Variants in MACROD2 observed in about 807,000 individuals in gnomAD.
MACROD2 encodes ADP-ribose glycohydrolase MACROD2.
Under a neutral mutation model 70.4 loss-of-function variants are expected in MACROD2, and 36 were observed. The observed-to-expected ratio is 0.51, with a 90% CI of 0.39 to 0.68. The LOEUF (loss-of-function observed/expected upper bound fraction) is 0.68, where lower values mean the gene tolerates loss of function less well. Ranked by LOEUF, MACROD2 falls within the 30% of genes least tolerant of loss-of-function variation. The pLI is 0.00. For missense variants in MACROD2, 496 were observed against 538.4 expected (o/e 0.92, Z 0.78); for synonymous variants, 172 against 178.8 (o/e 0.96, Z 0.30).
chr20:14,746,328 AT>A (rs1396410898), intron 5 of MACROD2, among the ~76,000 whole-genome samples: 3 of 152,186 alleles, frequency 2.0e-5, no homozygotes, highest in Non-Finnish European at 4.4e-5. Context: ...ACATAAAAGT[AT>A]TTTAAATCAA....
At chr20:14,606,786 T>TC (rs574753299) in intron 4 of MACROD2, among the ~76,000 whole-genome samples, 130 of 152,320 alleles carry the variant, frequency 8.5e-4, no homozygotes, top group African/African-American at 2.9e-3. Flanking sequence ...TTCTTGTTTG[T>TC]CCCAAGGCTT....
chr20:15,110,436 C>A (rs564059129), intron 5 of MACROD2, among the ~76,000 whole-genome samples: 7 of 152,050 alleles, frequency 4.6e-5, no homozygotes, highest in East Asian at 1.9e-4. Context: ...ATACTAGAGG[C>A]AATACTTGGG....
At chr20:15,801,501 C>T (rs1266151093) in intron 8 of MACROD2, among the ~76,000 whole-genome samples, 2 of 151,146 alleles carry the variant, frequency 1.3e-5, no homozygotes, top group African/African-American at 4.9e-5. Context: ...AAAAGAAAAT[C>T]AGTTGGCTGA....
chr20:14,184,393 T>C (rs2081328081), intron 3 of MACROD2, among the ~76,000 whole-genome samples: 1 of 152,124 alleles, frequency 6.6e-6, no homozygotes, highest in Admixed American at 6.5e-5. Flanking sequence ...AATGTGTCTG[T>C]TTTTGTGCCA....
In MACROD2 at chr20:14,316,803, C is replaced by T. The variant is rs1475213608; in HGVS notation, c.272-176676C>T. On this transcript the variant is annotated intron_variant, in intron 3 of 17. Coordinates refer to ENST00000684519, the MANE Select transcript of MACROD2 (RefSeq NM_001351661.2). ...GAGCATCTTTCCACCTCTCTACTCA[C>T]CACCACTATTCTGTTCCACACAGTG... Among the ~76,000 whole-genome samples, 3 of 152,138 alleles carry T rather than the reference C, an allele frequency of 2.0e-5. No homozygotes were observed. The East Asian group carries it at 5.8e-4, about 29-fold the overall frequency.
chr20:15,509,390 A>C (rs1357548560), intron 8 of MACROD2, among the ~76,000 whole-genome samples: 1 of 152,192 alleles, frequency 6.6e-6, no homozygotes, highest in African/African-American at 2.4e-5. Context: ...GGTGAAATGC[A>C]AACTCTTTAA....
At position 15,404,694 on chromosome 20, in the gene MACROD2, T is replaced by C. The variant is rs139525158; in HGVS notation, c.541-26711T>C. On this transcript the variant is annotated intron_variant, in intron 6 of 17. Coordinates refer to ENST00000684519, the MANE Select transcript of MACROD2 (RefSeq NM_001351661.2). ...ACACTAACTTTCACTGACCAAAGAC[T>C]TTCACTTAAACCCACAGTCTTCCTT... 5.6e-3 allele frequency among the ~76,000 whole-genome samples: 860 copies of C among 152,334 alleles called. 40 individuals are homozygous for C. The highest frequency in any genetic ancestry group is 0.054 in the Admixed American group (821 of 15,294).
intron 8 of MACROD2, among the ~76,000 whole-genome samples, chr20:15,563,695 A>G (rs1305535230): frequency 6.6e-6 from 1 of 152,230 alleles, no homozygotes; most frequent in African/African-American, 2.4e-5. Context: ...GATCAAAGAC[A>G]TAAAATAATA....
At chr20:16,036,095 C>T (rs1322684828) in intron 15 of MACROD2, among the ~76,000 whole-genome samples, 1 of 151,950 alleles carries the variant, frequency 6.6e-6, no homozygotes, top group South Asian at 2.1e-4. Flanking sequence ...CAAGGTGGTT[C>T]AAGAAGGTTT....
At chr20:14,173,094 T>C (rs1001701434) in intron 3 of MACROD2, among the ~76,000 whole-genome samples, 2 of 152,218 alleles carry the variant, frequency 1.3e-5, no homozygotes, top group Non-Finnish European at 2.9e-5. Context: ...CATCTTTAGA[T>C]AACCTGATGA....
intron 5 of MACROD2, among the ~76,000 whole-genome samples, chr20:15,090,597 T>G (rs1203965939): frequency 6.6e-6 from 1 of 151,214 alleles, no homozygotes; most frequent in Non-Finnish European, 1.5e-5. Flanking sequence ...AGAAGAGAGG[T>G]AGAATTATAT....
chr20:15,940,344 C>A (rs1345646536), intron 12 of MACROD2, among the ~76,000 whole-genome samples: 2 of 152,092 alleles, frequency 1.3e-5, no homozygotes, highest in Admixed American at 6.6e-5. Context: ...GATCCACCCG[C>A]CTTGGCCTCC....
rs572347746 is a variant in MACROD2 at position 14,954,893 on chromosome 20, A to G, written c.418+269934A>G. 5.4e-5 allele frequency among the ~76,000 whole-genome samples: 6 copies of G among 110,624 alleles called. No homozygotes were observed. The South Asian group carries it at 1.3e-3, about 23-fold the overall frequency. The allele number at this position is 110,624 out of a possible 152,430, so 72.6% of individuals were successfully genotyped here. ...TTATATAATTATTTAATTATATATT[A>G]TATATAATTTATATTTTATATAATT... On this transcript the variant is annotated intron_variant, in intron 5 of 17. Transcript: ENST00000684519.
At chr20:15,449,056 A>G (rs2046605823) in intron 7 of MACROD2, among the ~76,000 whole-genome samples, 1 of 152,134 alleles carries the variant, frequency 6.6e-6, no homozygotes. Flanking sequence ...TGAGGTACTA[A>G]TTGATTTTTT....
Position 15,564,469 on chromosome 20 carries a change from C to T in MACROD2, c.645+64622C>T, listed in dbSNP as rs922598818. 1.1e-4 allele frequency among the ~76,000 whole-genome samples: 16 copies of T among 152,158 alleles called. 1 individual carries two copies. The highest frequency in any genetic ancestry group is 1.5e-4 in the Non-Finnish European group (10 of 68,036). The stretch of plus-strand genomic sequence containing the variant: ...GAAAATGTATTTTCATGCTACTACC[C>T]ACTTTGGATCTTTTTTATTGTACCT... On this transcript the variant is annotated intron_variant, in intron 8 of 17. Coordinates refer to ENST00000684519, the MANE Select transcript of MACROD2 (RefSeq NM_001351661.2).
chr20:14,645,399 A>G (rs1442068667), intron 4 of MACROD2, among the ~76,000 whole-genome samples: 8 of 151,986 alleles, frequency 5.3e-5, no homozygotes, highest in African/African-American at 1.9e-4. Flanking sequence ...TTTCTTCTCT[A>G]TATCTAGTTT....
intron 10 of MACROD2, among the ~76,000 whole-genome samples, chr20:15,897,878 T>G (rs1321474544): frequency 1.3e-5 from 2 of 152,224 alleles, no homozygotes; most frequent in Non-Finnish European, 2.9e-5. Flanking sequence ...GTATTTTGCC[T>G]TTTTGATGAT....
intron 8 of MACROD2, among the ~76,000 whole-genome samples, chr20:15,749,022 A>G (rs999182395): frequency 6.6e-6 from 1 of 152,164 alleles, no homozygotes; most frequent in Non-Finnish European, 1.5e-5. Context: ...CTTTGTATAC[A>G]AATTATGTAT....
At chr20:14,795,595 T>C (rs1455890967) in intron 5 of MACROD2, among the ~76,000 whole-genome samples, 2 of 152,162 alleles carry the variant, frequency 1.3e-5, no homozygotes, top group Non-Finnish European at 2.9e-5. Flanking sequence ...TTGAGACATC[T>C]GTGAAATATT....
Sources: gnomAD v4.1 joint callset for allele counts (sites outside exome capture counted in the v4.1 genomes callset) on GRCh38, gnomAD v4.1.1 for gene constraint, MANE v1.5 for transcripts, NCBI Gene and HGNC (gene_info 2026-07-23, HGNC 2026-07-21) for gene names.